Variants in PRORP observed in about 807,000 individuals in gnomAD.
The protein encoded by PRORP is protein only RNase P catalytic subunit.
A neutral mutation model predicts 59.4 loss-of-function variants in PRORP; 51 were observed. The ratio of observed to expected loss-of-function variants is 0.86; its 90% CI spans 0.69 to 1.08. The LOEUF is 1.08. Among genes scored for constraint, PRORP ranks in the 50% least tolerant of loss-of-function variants. The probability of loss-of-function intolerance (pLI) is 0.00; values close to 1 mark genes in which losing one functional copy is unlikely to be tolerated. For missense variants in PRORP, 646 were observed against 690.3 expected (o/e 0.94, Z 0.72); for synonymous variants, 231 against 245.6 (o/e 0.94, Z 0.55).
intron 5 of PRORP, among the ~76,000 whole-genome samples, chr14:35,231,444 T>A (rs1160549744): frequency 1.3e-5 from 2 of 152,218 alleles, no homozygotes; most frequent in African/African-American, 4.8e-5. Context: ...GATTTTTTTT[T>A]ATGTACAGCA....
intron 5 of PRORP, among the ~76,000 whole-genome samples, chr14:35,236,262 G>C (rs904248866): frequency 2.6e-5 from 4 of 152,018 alleles, no homozygotes; most frequent in Non-Finnish European, 4.4e-5. Context: ...TTAACCTACT[G>C]ATCTATTTAT....
At chr14:35,175,737 G>T (rs76994072) in intron 4 of PRORP, among the ~76,000 whole-genome samples, 30 of 151,880 alleles carry the variant, frequency 2.0e-4, no homozygotes, top group South Asian at 1.3e-3. Context: ...AGAAGCTCTT[G>T]AGTTTAATTA....
intron 5 of PRORP, among the ~76,000 whole-genome samples, chr14:35,254,209 A>G (rs75898080): frequency 0.01 from 1,558 of 152,004 alleles, 29 homozygotes; most frequent in African/African-American, 0.035. Context: ...TTACTAACTC[A>G]CAAAGAGCTC....
At chr14:35,203,907 G>A (rs904839595) in intron 5 of PRORP, among the ~76,000 whole-genome samples, 5 of 152,114 alleles carry the variant, frequency 3.3e-5, no homozygotes, top group African/African-American at 1.2e-4. Context: ...TTTTATTATT[G>A]CATTGAGGCA....
chr14:35,229,556 T>G (rs762251529), intron 5 of PRORP, among the ~76,000 whole-genome samples: 2 of 152,212 alleles, frequency 1.3e-5, no homozygotes, highest in Non-Finnish European at 1.5e-5. Flanking sequence ...GGGAGTCTTT[T>G]CCCCATTAAT....
intron 5 of PRORP, among the ~76,000 whole-genome samples, chr14:35,220,345 C>A (rs1283759097): frequency 6.6e-6 from 1 of 152,136 alleles, no homozygotes; most frequent in Non-Finnish European, 1.5e-5. Flanking sequence ...TGAGCTAAAT[C>A]TATTCTGGTA....
intron 5 of PRORP, among the ~76,000 whole-genome samples, chr14:35,207,499 T>C (rs1055860579): frequency 2.6e-5 from 4 of 152,228 alleles, no homozygotes; most frequent in Non-Finnish European, 5.9e-5. Context: ...TCTAACCCTG[T>C]CATTCATTCC....
chr14:35,161,263 C>A (rs74043845), intron 4 of PRORP, among the ~76,000 whole-genome samples: 19,291 of 152,214 alleles, frequency 0.13, 1,321 homozygotes, highest in Middle Eastern at 0.17. Flanking sequence ...ATTTAATTTT[C>A]TTGAGTCCTT....
At chr14:35,259,527 T>C (rs1047692083) in intron 5 of PRORP, among the ~76,000 whole-genome samples, 6 of 152,216 alleles carry the variant, frequency 3.9e-5, no homozygotes, top group African/African-American at 7.2e-5. Flanking sequence ...TTACTTTTCC[T>C]CCCTTCCTAT....
At chr14:35,206,692 AT>A (rs758660888) in intron 5 of PRORP, among the ~76,000 whole-genome samples, 2 of 152,144 alleles carry the variant, frequency 1.3e-5, no homozygotes, top group Non-Finnish European at 2.9e-5. Flanking sequence ...CACCACCACT[AT>A]TTATTGACTG....
intron 2 of PRORP, 100 bp from the exon 3 acceptor site, chr14:35,126,635 T>G: frequency 1.2e-6 from 1 of 862,752 alleles, no homozygotes; most frequent in Non-Finnish European, 1.8e-6. Flanking sequence ...CTTGAACTTT[T>G]CGGACTTCTT....
Position 35,273,544 on chromosome 14 carries a change from T to G in PRORP, c.1730T>G (p.Leu577Arg). 2.5e-6 allele frequency: 4 copies of G among 1,613,484 alleles called. No individual in the cohort carries two copies. Among genetic ancestry groups the G allele is most frequent in the Non-Finnish European group, 3.4e-6 (4 of 1,179,696 alleles). ...RCSCEVPTKW[L>R]CLHQKT ...TCCTGTGAAGTACCAACCAAATGGC[T>G]TTGCCTCCACCAAAAGACATAGAGA... is the stretch of plus-strand genomic sequence containing the variant. Residue 577 changes from leucine (L) to arginine (R), a missense_variant, in exon 8 of 8, where the codon CTT becomes CGT. Transcript: ENST00000534898.
In PRORP at chr14:35,166,214, T is replaced by TTCTAGTATATTAGTTCTAA. The variant is rs989485647; in HGVS notation, c.1168-14452_1168-14434dup. On this transcript the variant is annotated intron_variant, in intron 4 of 7. Coordinates refer to ENST00000534898, the MANE Select transcript of PRORP (RefSeq NM_014672.4). ...TGTGCTGCATTTCATGAAATACATG[T>TTCTAGTATATTAGTTCTAA]TCTAGTATATTAGTTCTAATCTTTA... Among the ~76,000 whole-genome samples, 6 of 152,258 alleles carry TTCTAGTATATTAGTTCTAA rather than the reference T, an allele frequency of 3.9e-5. No homozygotes were observed. The East Asian group carries it at 1.2e-3, about 29-fold the overall frequency.
At chr14:35,135,977 G>A (rs866542167) in intron 4 of PRORP, among the ~76,000 whole-genome samples, 1 of 150,194 alleles carries the variant, frequency 6.7e-6, no homozygotes, top group Non-Finnish European at 1.5e-5. Context: ...AAAAAAAAGT[G>A]TTTTAAGCAA....
At chr14:35,187,952 G>A (rs532658632) in intron 5 of PRORP, among the ~76,000 whole-genome samples, 30 of 151,084 alleles carry the variant, frequency 2.0e-4, no homozygotes, top group African/African-American at 6.8e-4. Flanking sequence ...CTGGGTGCAA[G>A]CGATTTTCCT....
intron 4 of PRORP, among the ~76,000 whole-genome samples, chr14:35,133,225 G>C (rs944189625): frequency 2.6e-5 from 4 of 152,124 alleles, no homozygotes; most frequent in Non-Finnish European, 5.9e-5. Context: ...AGCCCTAACT[G>C]TGTATTTTCA....
At chr14:35,188,961 A>AAAAAAAAAAGAAAG (rs1555326788) in intron 5 of PRORP, among the ~76,000 whole-genome samples, 2 of 132,776 alleles carry the variant, frequency 1.5e-5, no homozygotes, top group African/African-American at 5.7e-5. Flanking sequence ...AAAAAAAAAA[A>AAAAAAAAAAGAAAG]AAAGTATTGC....
chr14:35,262,700 C>G (rs773094720), intron 5 of PRORP: 117 of 815,722 alleles, frequency 1.4e-4, no homozygotes, highest in Non-Finnish European at 1.4e-4. Context: ...AGAACATGAT[C>G]AAGGGTGTTA....
chr14:35,145,839 A>ATTTATTTATTTT (rs1400050004), intron 4 of PRORP, among the ~76,000 whole-genome samples: 10 of 111,888 alleles, frequency 8.9e-5, no homozygotes, highest in Non-Finnish European at 1.3e-4. Flanking sequence ...TTATTTTTTT[A>ATTTATTTATTTT]TTTTTTGAGA....
Sources: gnomAD v4.1 joint callset for allele counts (sites outside exome capture counted in the v4.1 genomes callset) on GRCh38, gnomAD v4.1.1 for gene constraint, MANE v1.5 for transcripts, NCBI Gene and HGNC (gene_info 2026-07-23, HGNC 2026-07-21) for gene names.